The following ASTN2 variants were observed in gnomAD, a reference collection of about 807,000 sequenced individuals.
ASTN2 encodes the protein astrotactin 2, also known as astrotactin-2.
A neutral mutation model predicts 139.8 loss-of-function variants in ASTN2; 54 were observed. That is an observed-to-expected ratio of 0.39 (90% CI 0.31 to 0.48). The LOEUF is 0.48. Ranked by LOEUF, ASTN2 falls within the 20% of genes least tolerant of loss-of-function variation. The pLI is 0.95. For missense variants in ASTN2, 1,565 were observed against 1,725.1 expected (o/e 0.91, Z 1.64); for synonymous variants, 756 against 719.5 (o/e 1.05, Z -0.81).
intron 2 of ASTN2, among the ~76,000 whole-genome samples, chr9:117,256,970 GAA>G (rs376274136): frequency 1.4e-5 from 2 of 146,364 alleles, no homozygotes; most frequent in African/African-American, 5.0e-5. Context: ...TGTTTAGCTG[GAA>G]AAAAAAAAGG....
chr9:116,920,912 A>G (rs1834586717), intron 10 of ASTN2, among the ~76,000 whole-genome samples: 1 of 152,220 alleles, frequency 6.6e-6, no homozygotes, highest in Non-Finnish European at 1.5e-5. Flanking sequence ...CTATGTCCTC[A>G]CAGGAAATAT....
At chr9:116,710,590 G>A (rs574060030) in intron 16 of ASTN2, among the ~76,000 whole-genome samples, 17 of 151,866 alleles carry the variant, frequency 1.1e-4, no homozygotes, top group Admixed American at 4.6e-4. Context: ...AATTAGCAAG[G>A]CATGGTGGCG....
intron 19 of ASTN2, among the ~76,000 whole-genome samples, chr9:116,572,942 C>T (rs193205429): frequency 2.0e-5 from 3 of 152,092 alleles, no homozygotes; most frequent in East Asian, 3.9e-4. Context: ...GTGACTCTGA[C>T]AGCCTCAAGA....
intron 4 of ASTN2, among the ~76,000 whole-genome samples, chr9:117,139,096 T>C (rs1017214188): frequency 1.3e-5 from 2 of 152,168 alleles, no homozygotes; most frequent in Non-Finnish European, 2.9e-5. Context: ...TTATGGAATA[T>C]GTATGTGTGG....
intron 5 of ASTN2, among the ~76,000 whole-genome samples, chr9:117,046,850 T>G (rs1838760397): frequency 6.6e-6 from 1 of 152,214 alleles, no homozygotes; most frequent in African/African-American, 2.4e-5. Flanking sequence ...AATGAGTGAA[T>G]GCTTAAATGT....
chr9:117,125,397 G>A (rs377361893), intron 4 of ASTN2, among the ~76,000 whole-genome samples: 5 of 152,146 alleles, frequency 3.3e-5, no homozygotes, highest in Non-Finnish European at 5.9e-5. Flanking sequence ...GTGATCTGTT[G>A]CAGCTGCTCA....
intron 17 of ASTN2, among the ~76,000 whole-genome samples, chr9:116,632,502 T>C (rs1019618146): frequency 1.3e-5 from 2 of 152,126 alleles, no homozygotes; most frequent in South Asian, 4.1e-4. Flanking sequence ...ACAACCATTT[T>C]TCTTAGCCTG....
At chr9:116,512,720 C>T (rs1850451454) in intron 19 of ASTN2, among the ~76,000 whole-genome samples, 1 of 152,178 alleles carries the variant, frequency 6.6e-6, no homozygotes, top group South Asian at 2.1e-4. Context: ...GGACAGTTAG[C>T]TCTTCTTGCT....
intron 19 of ASTN2, among the ~76,000 whole-genome samples, chr9:116,501,836 A>G (rs1849865524): frequency 6.6e-6 from 1 of 151,704 alleles, no homozygotes; most frequent in Admixed American, 6.6e-5. Context: ...CGCGTACCCT[A>G]AAACTTAAAG....
At chr9:117,087,687 T>C (rs147563433) in intron 5 of ASTN2, among the ~76,000 whole-genome samples, 98 of 152,312 alleles carry the variant, frequency 6.4e-4, no homozygotes, top group Non-Finnish European at 1.2e-3. Context: ...GCTTATGTTA[T>C]CTCATTTAAT....
rs189673422 is a variant in ASTN2 at position 117,175,955 on chromosome 9, T to G, written c.1016-34477A>C. Among the ~76,000 whole-genome samples, 11 of 152,096 alleles carry G rather than the reference T, an allele frequency of 7.2e-5. No individual in the cohort carries two copies. In the East Asian group the frequency reaches 1.7e-3, roughly 24 times the overall value. ...AGTCATAGATTGGAAGAAGATATTTTCACATGACAAAGGCCTACTTATGTT... is the reference window on the plus strand; with the variant it reads ...AGTCATAGATTGGAAGAAGATATTTGCACATGACAAAGGCCTACTTATGTT... On this transcript the variant is annotated intron_variant, in intron 3 of 22. Transcript: ENST00000313400.
At chr9:117,021,457 C>T (rs1457834834) in intron 6 of ASTN2, among the ~76,000 whole-genome samples, 6 of 152,124 alleles carry the variant, frequency 3.9e-5, no homozygotes, top group Non-Finnish European at 8.8e-5. Context: ...GTTTACACAA[C>T]AGGAATGGGC....
chr9:117,376,892 G>T (rs1404728367), intron 1 of ASTN2, among the ~76,000 whole-genome samples: 1 of 152,046 alleles, frequency 6.6e-6, no homozygotes, highest in Non-Finnish European at 1.5e-5. Flanking sequence ...AAGACATCTG[G>T]CCTTTGTTTG....
chr9:117,011,996 C>T (rs889866279), intron 6 of ASTN2, among the ~76,000 whole-genome samples: 11 of 152,068 alleles, frequency 7.2e-5, no homozygotes, highest in Admixed American at 6.6e-5. Flanking sequence ...TCTCATAGAC[C>T]GTGATTTCCT....
intron 10 of ASTN2, among the ~76,000 whole-genome samples, chr9:116,896,001 G>A (rs1833870588): frequency 6.6e-6 from 1 of 152,172 alleles, no homozygotes; most frequent in South Asian, 2.1e-4. Context: ...GATATGATAT[G>A]GCAAGACAAA....
chr9:116,628,778 C>T (rs370715994), intron 17 of ASTN2, among the ~76,000 whole-genome samples: 1 of 152,188 alleles, frequency 6.6e-6, no homozygotes, highest in Non-Finnish European at 1.5e-5. Context: ...GGCAAATGTA[C>T]CACTCTGGTG....
At chr9:117,361,528 T>C (rs574586631) in intron 1 of ASTN2, among the ~76,000 whole-genome samples, 2 of 152,274 alleles carry the variant, frequency 1.3e-5, no homozygotes, top group Admixed American at 6.5e-5. Flanking sequence ...GTTGAATACC[T>C]ACTACAGGGT....
intron 16 of ASTN2, among the ~76,000 whole-genome samples, chr9:116,683,898 G>A (rs1227498088): frequency 6.6e-6 from 1 of 152,186 alleles, no homozygotes. Context: ...TTACTGGAAT[G>A]GCATGCTTCC....
chr9:117,009,780 T>C lies in ASTN2; in HGVS notation c.1424-1521A>G, dbSNP rs549575348. Among the ~76,000 whole-genome samples, 6 of 152,326 alleles carry C rather than the reference T, an allele frequency of 3.9e-5. No individual in the cohort carries two copies. In the East Asian group the frequency reaches 9.6e-4, roughly 24 times the overall value. ...ATCATATGGGTTCTATGGAGGTCTA[T>C]CTGTCAGGTCACATCTTACTCTGCT... On this transcript the variant is annotated intron_variant, in intron 6 of 22. Coordinates refer to ENST00000313400, the MANE Select transcript of ASTN2 (RefSeq NM_001365068.1).
Sources: allele counts gnomAD v4.1 joint callset (sites outside exome capture counted in the v4.1 genomes callset), GRCh38; gene constraint gnomAD v4.1.1; transcripts MANE v1.5; gene names NCBI Gene and HGNC (gene_info 2026-07-23, HGNC 2026-07-21).